The following MYLK3 variants were observed in gnomAD, a reference collection of about 807,000 sequenced individuals.
The protein encoded by MYLK3 is myosin light chain kinase 3, also known as MLC kinase.
A neutral mutation model predicts 76.3 loss-of-function variants in MYLK3; 55 were observed. The observed-to-expected ratio is 0.72, with a 90% confidence interval of 0.58 to 0.90. MYLK3 has a LOEUF of 0.90. Among genes scored for constraint, MYLK3 ranks in the 40% least tolerant of loss-of-function variants. The probability of loss-of-function intolerance (pLI) is 0.00; values close to 1 mark genes in which losing one functional copy is unlikely to be tolerated. For synonymous variants in MYLK3, 416 were observed against 425.4 expected (o/e 0.98, Z 0.27); for missense variants, 973 against 1,053.6 (o/e 0.92, Z 1.06).
chr16:46,710,630 A>C lies in MYLK3; in HGVS notation c.2267+7T>G. The C allele has an allele frequency of 6.2e-7, 1 of 1,614,092 alleles. No individual in the cohort carries two copies. Among genetic ancestry groups the C allele is most frequent in the Non-Finnish European group, 8.5e-7 (1 of 1,180,026 alleles). On this transcript the variant is annotated splice_region_variant and intron_variant, in intron 11 of 12. Transcript: ENST00000394809. Reference sequence around the variant, plus strand: ...AGGGCCCATGAGTGACAAGCAATGAAAGGTACCTCTTCTCTTTGACCAGCA... The same window carrying C: ...AGGGCCCATGAGTGACAAGCAATGACAGGTACCTCTTCTCTTTGACCAGCA...
intron 10 of MYLK3, chr16:46,711,698 C>T (rs1226627992): frequency 4.9e-6 from 2 of 405,658 alleles, no homozygotes; most frequent in East Asian, 1.6e-4. Context: ...CATGTCTTTG[C>T]TGGAGGGCTT....
At chr16:46,753,340 T>A (rs557120215), upstream of MYLK3, among the ~76,000 whole-genome samples, 1 of 152,188 alleles carries the variant, frequency 6.6e-6, no homozygotes, top group Non-Finnish European at 1.5e-5. Flanking sequence ...AGCCTGCTTC[T>A]GGAGAAATGT....
intron 3 of MYLK3, among the ~76,000 whole-genome samples, chr16:46,736,492 C>A (rs1010969270): frequency 5.9e-5 from 9 of 152,226 alleles, no homozygotes; most frequent in African/African-American, 1.9e-4. Flanking sequence ...AGATAGAGAA[C>A]TTTTCTTCTC....
chr16:46,742,282 C>T (rs185430355), intron 1 of MYLK3, among the ~76,000 whole-genome samples: 2 of 151,946 alleles, frequency 1.3e-5, no homozygotes, highest in East Asian at 1.9e-4. Flanking sequence ...GATGGCGGGG[C>T]GTGGTAGCTC....
chr16:46,753,001 C>T (rs1304566080), upstream of MYLK3, among the ~76,000 whole-genome samples: 2 of 152,160 alleles, frequency 1.3e-5, no homozygotes, highest in Non-Finnish European at 2.9e-5. Context: ...AATACCCACC[C>T]GCAACGATGA....
chr16:46,758,071 C>G (rs1026606538), intron 1 of MYLK3, among the ~76,000 whole-genome samples: 3 of 151,982 alleles, frequency 2.0e-5, no homozygotes, highest in Non-Finnish European at 4.4e-5. Flanking sequence ...TAAAACTACT[C>G]AGGAGGCAGC....
At chr16:46,711,975 T>C (rs908914336) in intron 10 of MYLK3, among the ~76,000 whole-genome samples, 3 of 145,918 alleles carry the variant, frequency 2.1e-5, no homozygotes, top group Non-Finnish European at 4.5e-5. Flanking sequence ...AAAAATTCAA[T>C]GGCTCAAGCC....
At chr16:46,755,550 G>A (rs988933622) in intron 1 of MYLK3, among the ~76,000 whole-genome samples, 20 of 152,056 alleles carry the variant, frequency 1.3e-4, no homozygotes, top group East Asian at 5.8e-4. Flanking sequence ...GAACCCTCCC[G>A]GGGGAAAAAG....
Position 46,708,202 on chromosome 16 carries a change from C to A in MYLK3, c.2401-439G>T, listed in dbSNP as rs890981760. Among the ~76,000 whole-genome samples the A allele has an allele frequency of 2.6e-5, 4 of 152,182 alleles. No individual in the cohort carries two copies. The East Asian group carries it at 7.7e-4, about 29-fold the overall frequency. On this transcript the variant is annotated intron_variant, in intron 12 of 12. Coordinates refer to ENST00000394809, the MANE Select transcript of MYLK3 (RefSeq NM_182493.3). The stretch of plus-strand genomic sequence containing the variant: ...TGTCTTGTTTGTAAAGATACAGTCT[C>A]ACTAGGTTACCCAGGTTTATCCTGC...
upstream of MYLK3, among the ~76,000 whole-genome samples, chr16:46,750,020 C>T (rs1967101354): frequency 6.6e-6 from 1 of 152,186 alleles, no homozygotes; most frequent in African/African-American, 2.4e-5. Flanking sequence ...ACAAAGTCTC[C>T]CTGGAAAAGG....
In MYLK3 at chr16:46,707,596, G is replaced by A. The variant is rs559903705; in HGVS notation, c.*108C>T. 5.9e-6 allele frequency: 4 copies of A among 682,426 alleles called. No individual in the cohort carries two copies. The highest frequency in any genetic ancestry group is 2.9e-5 in the Admixed American group (1 of 34,628). The allele number at this position is 682,426 out of a possible 1,614,324, so 42.3% of individuals were successfully genotyped here. A position where few individuals can be genotyped will look rare whatever the true frequency, so the allele number is the denominator to read the frequency against. ...CCATAACCATTTTTACAAAATAAGT[G>A]GAATCAATAATACCAAAAAGCCAAA... On this transcript the variant is annotated 3_prime_UTR_variant, in exon 13 of 13. Transcript: ENST00000394809.
chr16:46,739,350 CA>C (rs1471617386), intron 2 of MYLK3, among the ~76,000 whole-genome samples: 5 of 152,062 alleles, frequency 3.3e-5, no homozygotes, highest in African/African-American at 1.2e-4. Context: ...AAATATCATG[CA>C]AAATTATACA....
At chr16:46,727,032 C>T (rs193233264) in intron 8 of MYLK3, 256 of 449,800 alleles carry the variant, frequency 5.7e-4, no homozygotes, top group African/African-American at 4.4e-3. Context: ...TCAAATAATA[C>T]TTAAAGAGGT....
chr16:46,726,717 G>GAAAGAAAGA, intron 8 of MYLK3: 2 of 131,008 alleles, frequency 1.5e-5, no homozygotes, highest in Non-Finnish European at 3.2e-5. Context: ...AAGAAAGAAA[G>GAAAGAAAGA]AAAGAAAGAA....
intron 10 of MYLK3, 53 bp from the exon 11 acceptor site, chr16:46,710,842 G>T: frequency 6.3e-7 from 1 of 1,599,980 alleles, no homozygotes; most frequent in Non-Finnish European, 8.6e-7. Flanking sequence ...TTGCCAACAT[G>T]CATTGGCAGA....
chr16:46,708,261 A>G (rs1408613871), intron 12 of MYLK3, among the ~76,000 whole-genome samples: 1 of 152,162 alleles, frequency 6.6e-6, no homozygotes, highest in Non-Finnish European at 1.5e-5. Context: ...ACCCTAGAAC[A>G]GTGTCTTATT....
rs1194739126 is a variant in MYLK3 at position 46,737,734 on chromosome 16, G to A, written c.978C>T (p.His326=). 6.2e-6 allele frequency: 10 copies of A among 1,604,836 alleles called. No individual in the cohort carries two copies. The highest frequency in any genetic ancestry group is 3.3e-5 in the Admixed American group (2 of 59,850). Residue 326 remains histidine (H), a synonymous_variant, in exon 3 of 13, where the codon CAC becomes CAT. Coordinates refer to ENST00000394809, the MANE Select transcript of MYLK3 (RefSeq NM_182493.3). ...PGLPAQARAT[H]SGGETPPRIS... ...ACCTTGGAGGTGTTTCTCCACCACT[G>A]TGGGTTGCCCTGGCCTGGGCTGGCA...
chr16:46,719,708 C>T (rs925276223), intron 9 of MYLK3, among the ~76,000 whole-genome samples: 4 of 152,078 alleles, frequency 2.6e-5, no homozygotes, highest in African/African-American at 7.2e-5. Context: ...CTGGGCTATG[C>T]GATGCATCTG....
intron 1 of MYLK3, among the ~76,000 whole-genome samples, chr16:46,758,525 C>G (rs550279087): frequency 1.2e-4 from 19 of 152,252 alleles, no homozygotes; most frequent in African/African-American, 4.3e-4. Context: ...GGAGGAGCAA[C>G]CTGGGGAACT....
Sources: allele counts gnomAD v4.1 joint callset (sites outside exome capture counted in the v4.1 genomes callset), GRCh38; gene constraint gnomAD v4.1.1; transcripts MANE v1.5; gene names NCBI Gene and HGNC (gene_info 2026-07-23, HGNC 2026-07-21).